RBFOX1: variants seen among roughly 807,000 people sequenced by gnomAD.
RBFOX1 encodes RNA binding protein fox-1 homolog 1.
RBFOX1 carries 8 observed loss-of-function variants against 57.7 expected under a neutral mutation model. The observed-to-expected ratio is 0.14, with a 90% CI of 0.08 to 0.25. The LOEUF (loss-of-function observed/expected upper bound fraction) is 0.25, where lower values mean the gene tolerates loss of function less well. RBFOX1 is among the 10% of genes least tolerant of loss of function. The probability of loss-of-function intolerance (pLI) is 1.00; values close to 1 mark genes in which losing one functional copy is unlikely to be tolerated. For synonymous variants in RBFOX1, 326 were observed against 222.4 expected (o/e 1.47, Z -4.15); for missense variants, 611 against 548.5 (o/e 1.11, Z -1.14).
At chr16:6,036,609 C>CT (rs71142666) in intron 1 of RBFOX1, among the ~76,000 whole-genome samples, 115,042 of 151,954 alleles carry the variant, frequency 0.76, 43,668 homozygotes, top group East Asian at 0.89. Flanking sequence ...GTGTCTGTCT[C>CT]TTTTTATTTT....
At chr16:6,801,351 G>A (rs1015234774) in intron 3 of RBFOX1, among the ~76,000 whole-genome samples, 1 of 152,106 alleles carries the variant, frequency 6.6e-6, no homozygotes, top group Non-Finnish European at 1.5e-5. Context: ...TAATGGTCAG[G>A]CTTATGTATT....
chr16:6,286,201 T>C (rs1386077705), intron 1 of RBFOX1, among the ~76,000 whole-genome samples: 3 of 152,138 alleles, frequency 2.0e-5, no homozygotes, highest in Non-Finnish European at 4.4e-5. Context: ...ATGGCGTCCA[T>C]TTTTAACCCC....
intron 1 of RBFOX1, among the ~76,000 whole-genome samples, chr16:5,367,858 C>A (rs575807533): frequency 6.6e-6 from 1 of 152,172 alleles, no homozygotes; most frequent in African/African-American, 2.4e-5. Context: ...GAGTTAACCT[C>A]CAGCAAGAGG....
intron 2 of RBFOX1, among the ~76,000 whole-genome samples, chr16:6,586,124 G>A (rs1280963785): frequency 6.6e-6 from 1 of 152,198 alleles, no homozygotes. Flanking sequence ...AGCAATGTTT[G>A]TTATGATCAA....
chr16:7,482,126 T>C (rs1181310303), intron 4 of RBFOX1, among the ~76,000 whole-genome samples: 1 of 152,224 alleles, frequency 6.6e-6, no homozygotes, highest in African/African-American at 2.4e-5. Context: ...CCTCCTGCTC[T>C]ATAGTCATAA....
chr16:6,720,673 G>A (rs1199748982), intron 3 of RBFOX1, among the ~76,000 whole-genome samples: 2 of 152,210 alleles, frequency 1.3e-5, no homozygotes, highest in Non-Finnish European at 2.9e-5. Context: ...GGAGACATGT[G>A]TCAGGAAGAG....
chr16:5,849,431 A>G (rs560320887), intron 3 of RBFOX1, among the ~76,000 whole-genome samples: 2 of 152,198 alleles, frequency 1.3e-5, no homozygotes, highest in Admixed American at 1.3e-4. Context: ...TGCATTTGCT[A>G]CAATCCTCTG....
intron 10 of RBFOX1, among the ~76,000 whole-genome samples, chr16:7,630,110 C>T (rs1275849056): frequency 1.3e-5 from 2 of 151,948 alleles, no homozygotes; most frequent in African/African-American, 2.4e-5. Context: ...TACATGCCAG[C>T]CCCTGCCCTG....
At chr16:6,646,793 A>T (rs1251823903) in intron 2 of RBFOX1, among the ~76,000 whole-genome samples, 2 of 152,168 alleles carry the variant, frequency 1.3e-5, no homozygotes, top group Admixed American at 1.3e-4. Flanking sequence ...TGCTTAGCAG[A>T]CAAATTCAAG....
chr16:6,138,843 G>T (rs1425018738), intron 1 of RBFOX1, among the ~76,000 whole-genome samples: 2 of 152,148 alleles, frequency 1.3e-5, no homozygotes, highest in Non-Finnish European at 2.9e-5. Flanking sequence ...CTCCAGCCTG[G>T]GCGACAGAGT....
At chr16:6,587,995 C>T (rs1012950573) in intron 2 of RBFOX1, among the ~76,000 whole-genome samples, 13 of 152,004 alleles carry the variant, frequency 8.6e-5, no homozygotes, top group South Asian at 2.1e-4. Context: ...TTTGGGAGGC[C>T]GAGGAGAATG....
chr16:6,611,013 C>G (rs533047847), intron 2 of RBFOX1, among the ~76,000 whole-genome samples: 2 of 152,166 alleles, frequency 1.3e-5, no homozygotes, highest in South Asian at 2.1e-4. Flanking sequence ...ATACTTAATA[C>G]CAAATTAGAA....
intron 3 of RBFOX1, among the ~76,000 whole-genome samples, chr16:5,767,400 G>A (rs2053823502): frequency 2.6e-5 from 4 of 152,186 alleles, no homozygotes; most frequent in African/African-American, 9.6e-5. Context: ...CCACGCTATG[G>A]GAGTGAAGGT....
chr16:5,313,355 T>A (rs541076605), intron 1 of RBFOX1, among the ~76,000 whole-genome samples: 4 of 152,282 alleles, frequency 2.6e-5, no homozygotes, highest in South Asian at 2.1e-4. Flanking sequence ...CCCACAGTGA[T>A]GTGACTCCTA....
chr16:6,834,891 ATTT>A (rs71147607), intron 3 of RBFOX1, among the ~76,000 whole-genome samples: 166 of 118,902 alleles, frequency 1.4e-3, no homozygotes, highest in African/African-American at 3.7e-3. Context: ...TGACTTCTCT[ATTT>A]TTTTTTTTTT....
chr16:7,280,836 A>G (rs866315028), intron 4 of RBFOX1, among the ~76,000 whole-genome samples: 1 of 152,052 alleles, frequency 6.6e-6, no homozygotes, highest in Non-Finnish European at 1.5e-5. Flanking sequence ...CCTGGGGTGC[A>G]AAATCACCCA....
At chr16:6,510,794 C>T (rs562331770) in intron 2 of RBFOX1, among the ~76,000 whole-genome samples, 3 of 151,552 alleles carry the variant, frequency 2.0e-5, no homozygotes, top group East Asian at 1.9e-4. Context: ...CAGTACCTGG[C>T]GGACTGCTAA....
chr16:5,982,162 A>G (rs12923399), intron 4 of RBFOX1, among the ~76,000 whole-genome samples: 41,161 of 152,064 alleles, frequency 0.27, 5,873 homozygotes, highest in South Asian at 0.32. Context: ...CTCTGACTGC[A>G]TCTCACCCTA....
chr16:7,506,317 T>G (rs538007580), intron 4 of RBFOX1, among the ~76,000 whole-genome samples: 3 of 151,720 alleles, frequency 2.0e-5, no homozygotes, highest in African/African-American at 7.3e-5. Context: ...ATATACAATG[T>G]AGGATTCTGA....
Sources: allele counts gnomAD v4.1 joint callset (sites outside exome capture counted in the v4.1 genomes callset), GRCh38; gene constraint gnomAD v4.1.1; transcripts MANE v1.5; gene names NCBI Gene and HGNC (gene_info 2026-07-23, HGNC 2026-07-21).